The following ZFP14 variants were observed in gnomAD, a reference collection of about 807,000 sequenced individuals.
The protein encoded by ZFP14 is ZFP14 zinc finger protein.
A neutral mutation model predicts 54.5 loss-of-function variants in ZFP14; 22 were observed. The observed-to-expected ratio is 0.40, with a 90% confidence interval of 0.29 to 0.58. ZFP14 has a LOEUF of 0.58. ZFP14 is among the 20% of genes least tolerant of loss of function. The pLI is 0.39. For synonymous variants in ZFP14, 159 were observed against 204.0 expected (o/e 0.78, Z 1.88); for missense variants, 470 against 637.8 (o/e 0.74, Z 2.83).
intron 4 of ZFP14, among the ~76,000 whole-genome samples, chr19:36,349,257 CAAAAAAAAAAAAA>C (rs1767997775): frequency 2.4e-5 from 1 of 42,230 alleles, no homozygotes; most frequent in African/African-American, 1.1e-4. Context: ...AAAAAAAAAA[CAAAAAAAAAAAAA>C]CAGGAAGAAC....
rs372514849 is a variant in ZFP14, at chr19:36,367,666, G to A, written c.9+218C>T. Among the ~76,000 whole-genome samples, 207 of 152,254 alleles carry A rather than the reference G, an allele frequency of 1.4e-3. 1 individual carries two copies. Among genetic ancestry groups the A allele is most frequent in the African/African-American group, 4.9e-3 (202 of 41,552 alleles). On this transcript the variant is annotated intron_variant, in intron 2 of 4. Coordinates refer to ENST00000270001, the MANE Select transcript of ZFP14 (RefSeq NM_020917.3). ...TTTAGTAGAGACAGGGTTTCACCAT[G>A]TTGGCCAGGCTGGTCTCGAACTCCT...
intron 2 of ZFP14, among the ~76,000 whole-genome samples, chr19:36,364,434 A>G (rs2031759764): frequency 6.6e-6 from 1 of 152,154 alleles, no homozygotes; most frequent in Non-Finnish European, 1.5e-5. Context: ...TCCATAGGCT[A>G]GCAGGGAGGT....
intron 4 of ZFP14, among the ~76,000 whole-genome samples, chr19:36,347,422 C>G (rs766841109): frequency 2.6e-5 from 4 of 151,820 alleles, no homozygotes; most frequent in African/African-American, 9.7e-5. Flanking sequence ...CCAGCCTGGC[C>G]AATATGGTGA....
chr19:36,363,199 T>G (rs867727808), intron 2 of ZFP14, among the ~76,000 whole-genome samples: 2 of 135,392 alleles, frequency 1.5e-5, no homozygotes, highest in African/African-American at 6.1e-5. Flanking sequence ...CTTTTTTTTT[T>G]TTTTTTTTTT....
chr19:36,357,019 T>C (rs2031624886), intron 4 of ZFP14, among the ~76,000 whole-genome samples: 1 of 152,062 alleles, frequency 6.6e-6, no homozygotes, highest in African/African-American at 2.4e-5. Context: ...AGTTTTCAAT[T>C]TGGATAAAGT....
At chr19:36,356,425 CAA>C (rs552341004) in intron 4 of ZFP14, among the ~76,000 whole-genome samples, 14 of 116,896 alleles carry the variant, frequency 1.2e-4, no homozygotes, top group Non-Finnish European at 1.5e-4. Flanking sequence ...GAGACTGTCT[CAA>C]AAAAAAAAAA....
In ZFP14 at chr19:36,352,095, A is replaced by G. The variant is rs906773982; in HGVS notation, c.235+8340T>C. 5.1e-4 allele frequency among the ~76,000 whole-genome samples: 72 copies of G among 141,178 alleles called. 8 individuals carry two copies. Among genetic ancestry groups the G allele is most frequent in the African/African-American group, 1.8e-3 (70 of 38,358 alleles). 92.6% of individuals were successfully genotyped at this position (141,178 alleles called of 152,430 possible). A position where few individuals can be genotyped will look rare whatever the true frequency, so the allele number is the denominator to read the frequency against. ...GCTACTCGGGAGGCTGAGGCAGGAGAACGGCGTGAACTCGGGAGGCAGAGC... is the reference window on the plus strand; with the variant it reads ...GCTACTCGGGAGGCTGAGGCAGGAGGACGGCGTGAACTCGGGAGGCAGAGC... On this transcript the variant is annotated intron_variant, in intron 4 of 4. Coordinates refer to ENST00000270001, the MANE Select transcript of ZFP14 (RefSeq NM_020917.3).
In ZFP14 at chr19:36,367,967, C is replaced by A; in HGVS notation, c.-75G>T. 6.7e-7 allele frequency: 1 copy of A among 1,500,566 alleles called. No homozygotes were observed. The allele number at this position is 1,500,566 out of a possible 1,614,324, so 93.0% of individuals were successfully genotyped here. A position where few individuals can be genotyped will look rare whatever the true frequency, so the allele number is the denominator to read the frequency against. ...GGAGAACTATGGAGTCCTGATAAGCCAGAGCTGAAAGAAGAAAAAGAAACC... is the reference window on the plus strand; with the variant it reads ...GGAGAACTATGGAGTCCTGATAAGCAAGAGCTGAAAGAAGAAAAAGAAACC... On this transcript the variant is annotated 5_prime_UTR_variant, in exon 2 of 5. Transcript: ENST00000270001.
chr19:36,367,468 GA>G (rs2031812088), intron 2 of ZFP14, among the ~76,000 whole-genome samples: 1 of 151,986 alleles, frequency 6.6e-6, no homozygotes, highest in Non-Finnish European at 1.5e-5. Context: ...TCACAGGAGG[GA>G]AAAGAACTGG....
At position 36,340,447 on chromosome 19, in the gene ZFP14, G is replaced by T. The variant is rs760129335; in HGVS notation, c.1379C>A (p.Pro460His). The T allele has an allele frequency of 2.5e-6, 4 of 1,613,104 alleles. No homozygotes were observed. The highest frequency in any genetic ancestry group is 3.4e-6 in the Non-Finnish European group (4 of 1,179,312). Residue 460 changes from proline (P) to histidine (H), a missense_variant, in exon 5 of 5, where the codon CCT becomes CAT. Coordinates refer to ENST00000270001, the MANE Select transcript of ZFP14 (RefSeq NM_020917.3). The surrounding 1 kb of genome is among the most constrained non-coding windows in gnomAD (Gnocchi z 5.4). ...KPYECKECRK[P>H]FRLLSQLTQH... ...GGTAAGTTGTGAGAGCAGTCTAAAA[G>T]GTTTTCTACATTCCTTACATTCATA...
chr19:36,367,770 C>G lies in ZFP14; in HGVS notation c.9+114G>C, dbSNP rs558331168. 4 of 1,271,844 alleles carry G rather than the reference C, an allele frequency of 3.1e-6. No homozygotes were observed. The East Asian group carries it at 1.0e-4, about 32-fold the overall frequency. 78.8% of individuals were successfully genotyped at this position (1,271,844 alleles called of 1,614,324 possible). ...TGAGCCATTGCGTCCAGCCATGGAGCAGGTTCTTGGATGAAGCTCTGGTAA... is the reference window on the plus strand; with the variant it reads ...TGAGCCATTGCGTCCAGCCATGGAGGAGGTTCTTGGATGAAGCTCTGGTAA... On this transcript the variant is annotated intron_variant, in intron 2 of 4. Coordinates refer to ENST00000270001, the MANE Select transcript of ZFP14 (RefSeq NM_020917.3).
At position 36,340,622 on chromosome 19, in the gene ZFP14, A is replaced by T. The variant is rs762997859; in HGVS notation, c.1204T>A (p.Trp402Arg). 1 of 1,614,004 alleles carries T rather than the reference A, an allele frequency of 6.2e-7. No individual in the cohort carries two copies. Among genetic ancestry groups the T allele is most frequent in the Non-Finnish European group, 8.5e-7 (1 of 1,179,990 alleles). ...TGTGAGTAACTACTAAAGGTCTTCC[A>T]ACATTCCATACATTCATAGGGTTTC... Reference protein sequence around the residue: ...REKPYECMECWKTFSSYSQLI... With the variant: ...REKPYECMECRKTFSSYSQLI... Residue 402 changes from tryptophan to arginine, a missense_variant, in exon 5 of 5, where the codon TGG becomes AGG. By Grantham distance (101) the Trp-to-Arg change is moderately radical. Transcript: ENST00000270001. This position sits in a 1 kb window ranked among gnomAD's most constrained non-coding sequence, Gnocchi z 5.4.
At position 36,379,182 on chromosome 19, in the gene ZFP14, C is replaced by G. The variant is rs1489637338; in HGVS notation, c.-99G>C. ...ACTCACCTCTCGGAGCCGACACCAG[C>G]AGCGAAGCCGGAAAGAACTGCGAGC... On this transcript the variant is annotated 5_prime_UTR_variant, in exon 1 of 5. Coordinates refer to ENST00000270001, the MANE Select transcript of ZFP14 (RefSeq NM_020917.3). The G allele has an allele frequency of 6.6e-6, 1 of 152,582 alleles. No individual in the cohort carries two copies. Among genetic ancestry groups the G allele is most frequent in the Non-Finnish European group, 1.5e-5 (1 of 68,392 alleles). 9.5% of individuals were successfully genotyped at this position (152,582 alleles called of 1,614,324 possible). A position where few individuals can be genotyped will look rare whatever the true frequency, so the allele number is the denominator to read the frequency against.
At position 36,362,214 on chromosome 19, in the gene ZFP14, C is replaced by A. The variant is rs758786164; in HGVS notation, c.34G>T (p.Ala12Ser). 1 of 1,610,442 alleles carries A rather than the reference C, an allele frequency of 6.2e-7. No homozygotes were observed. The highest frequency in any genetic ancestry group is 8.5e-7 in the Non-Finnish European group (1 of 1,178,690). ...AHGSVTFRDV[A>S]IDFSQEEWEF... ...CATTCTTCCTGTGAGAAGTCTATGG[C>A]CACATCCCTGAATGTCACTGAACCC... Residue 12 changes from alanine (A) to serine (S), a missense_variant, in exon 3 of 5, where the codon GCC (alanine) becomes TCC (serine). By Grantham distance (99) the Ala-to-Ser change is moderately conservative. Transcript: ENST00000270001.
intron 4 of ZFP14, among the ~76,000 whole-genome samples, chr19:36,359,937 G>A (rs1392556283): frequency 2.0e-5 from 3 of 152,150 alleles, no homozygotes; most frequent in African/African-American, 7.2e-5. Context: ...TTACCAGAGT[G>A]AGCCACCACG....
intron 4 of ZFP14, among the ~76,000 whole-genome samples, chr19:36,357,681 A>C (rs918344286): frequency 6.6e-6 from 1 of 152,014 alleles, no homozygotes; most frequent in African/African-American, 2.4e-5. Context: ...TTTGTTCGGT[A>C]ATCTTTGCCA....
At chr19:36,357,893 C>T (rs1318517720) in intron 4 of ZFP14, among the ~76,000 whole-genome samples, 3 of 151,694 alleles carry the variant, frequency 2.0e-5, no homozygotes, top group African/African-American at 7.3e-5. Flanking sequence ...CAGGCTTGCA[C>T]CACCATGCCT....
At position 36,375,718 on chromosome 19, in the gene ZFP14, C is replaced by T. The variant is rs535713255; in HGVS notation, c.-80+3445G>A. Among the ~76,000 whole-genome samples the T allele has an allele frequency of 1.0e-3, 153 of 152,084 alleles. 1 individual carries two copies. The highest frequency in any genetic ancestry group is 3.5e-3 in the African/African-American group (144 of 41,524). ...GACTACAGGTGCCCGCCACCATGCC[C>T]GGGTAATTTTTTGTATTTTTAGTAG... On this transcript the variant is annotated intron_variant, in intron 1 of 4. Coordinates refer to ENST00000270001, the MANE Select transcript of ZFP14 (RefSeq NM_020917.3).
At chr19:36,359,804 G>A (rs1011070157) in intron 4 of ZFP14, among the ~76,000 whole-genome samples, 11 of 152,072 alleles carry the variant, frequency 7.2e-5, no homozygotes, top group Non-Finnish European at 1.0e-4. Context: ...ACAGGTGCCC[G>A]CCACTATGCC....
Sources: gnomAD v4.1 joint callset for allele counts (sites outside exome capture counted in the v4.1 genomes callset) on GRCh38, gnomAD v4.1.1 for gene constraint, Gnocchi (gnomAD v3.1) non-coding constraint, MANE v1.5 for transcripts, NCBI Gene and HGNC (gene_info 2026-07-23, HGNC 2026-07-21) for gene names.